The following NUMA1 variants were observed in gnomAD, a reference collection of about 807,000 sequenced individuals.
The protein encoded by NUMA1 is SP-H antigen.
Under a neutral mutation model 237.1 loss-of-function variants are expected in NUMA1, and 62 were observed. That is an observed-to-expected ratio of 0.26 (90% CI 0.21 to 0.32). The LOEUF is 0.32. Among genes scored for constraint, NUMA1 ranks in the 10% least tolerant of loss-of-function variants. The pLI is 1.00. For missense variants in NUMA1, 2,533 were observed against 2,666.5 expected, an observed-to-expected ratio of 0.95 and a Z score of 1.10; for synonymous variants, 1,028 against 1,066.1, an observed-to-expected ratio of 0.96 and a Z score of 0.70.
intron 1 of NUMA1, among the ~76,000 whole-genome samples, chr11:72,073,325 G>C (rs11606798): frequency 0.018 from 2,651 of 146,544 alleles, 43 homozygotes; most frequent in Non-Finnish European, 0.027. Context: ...AAAAAAAAAA[G>C]TTGCCCACAG....
intron 2 of NUMA1, among the ~76,000 whole-genome samples, chr11:72,063,834 T>C (rs1943075088): frequency 6.6e-6 from 1 of 150,888 alleles, no homozygotes; most frequent in Admixed American, 6.6e-5. Flanking sequence ...GGAGGATCAC[T>C]TGAGTCTGAG....
intron 13 of NUMA1, 37 bp from the exon 14 acceptor site, chr11:72,016,567 G>GA: frequency 6.2e-7 from 1 of 1,604,372 alleles, no homozygotes; most frequent in Non-Finnish European, 8.5e-7. Flanking sequence ...CAGAGAGGGG[G>GA]AACAGGCACC....
Position 72,013,483 on chromosome 11 carries a change from C to T in NUMA1, c.4020G>A (p.Glu1340=), listed in dbSNP as rs1189125060. The T allele has an allele frequency of 6.2e-7, 1 of 1,613,488 alleles. No individual in the cohort carries two copies. The highest frequency in any genetic ancestry group is 8.5e-7 in the Non-Finnish European group (1 of 1,180,032). Residue 1340 remains glutamate, a synonymous_variant, in exon 15 of 27, where the codon GAG becomes GAA. Transcript: ENST00000393695. The surrounding 1 kb of genome is among the most constrained non-coding windows in gnomAD (Gnocchi z 6.8). ...CGAGCTGCAGGGTGGAGAGGGCCTG[C>T]TCTTTCTGGAAGAACTTCTCCTGCC... is the stretch of plus-strand genomic sequence containing the variant. ...KAWQEKFFQK[E]QALSTLQLEH... is the part of the protein sequence containing the mutation.
intron 4 of NUMA1, among the ~76,000 whole-genome samples, chr11:72,025,195 T>G (rs1313531687): frequency 6.6e-6 from 1 of 152,210 alleles, no homozygotes; most frequent in East Asian, 1.9e-4. Context: ...CAGCTAGGAC[T>G]AGTATTCTTG....
rs1039085654 is a variant in NUMA1, at chr11:72,003,184, TC to T, written c.*342del. The T allele has an allele frequency of 5.2e-6, 2 of 386,158 alleles. No individual in the cohort carries two copies. Among genetic ancestry groups the T allele is most frequent in the Admixed American group, 4.0e-5 (1 of 24,984 alleles). The allele number at this position is 386,158 out of a possible 1,614,324, so 23.9% of individuals were successfully genotyped here. On this transcript the variant is annotated 3_prime_UTR_variant, in exon 27 of 27. Transcript: ENST00000393695. ...TACTCCTCTTATGGTCCCTTCTAGA[TC>T]CAGAGGCTAAGAGGAAGACTGGCCA...
chr11:72,071,621 T>C (rs899206105), intron 1 of NUMA1, among the ~76,000 whole-genome samples: 18 of 152,242 alleles, frequency 1.2e-4, no homozygotes, highest in South Asian at 4.1e-4. Flanking sequence ...ACTGGATGTA[T>C]TGAATCAATG....
chr11:72,043,298 C>T (rs1941802868), intron 2 of NUMA1, among the ~76,000 whole-genome samples: 2 of 149,776 alleles, frequency 1.3e-5, no homozygotes, highest in African/African-American at 2.5e-5. Context: ...CCTGTTTCTA[C>T]CAAAAAATAC....
chr11:72,044,749 C>CCT (rs561553106), intron 2 of NUMA1, among the ~76,000 whole-genome samples: 331 of 150,014 alleles, frequency 2.2e-3, no homozygotes, highest in Middle Eastern at 6.8e-3. Context: ...CTCAATGCAA[C>CCT]CTCTGTCTCC....
At position 72,013,799 on chromosome 11, in the gene NUMA1, G is replaced by A; in HGVS notation, c.3704C>T (p.Ser1235Phe). The change falls in exon 15 of 27, where the codon TCC becomes TTC. Residue 1235 changes from serine to phenylalanine, a missense_variant. This residue lies in a region of NUMA1 where 324 missense variants were observed against 407.6 expected (regional missense o/e 0.79). Coordinates refer to ENST00000393695, the MANE Select transcript of NUMA1 (RefSeq NM_006185.4). This position sits in a 1 kb window ranked among gnomAD's most constrained non-coding sequence, Gnocchi z 6.8. ...SLISSLEEEV[S>F]ILNRQVLEKE... The stretch of plus-strand genomic sequence containing the variant: ...CTCCAGGACCTGGCGATTCAGGATG[G>A]ACACCTCCTCCTCCAAGCTGCTGAT... 6.2e-7 allele frequency: 1 copy of A among 1,610,386 alleles called. No homozygotes were observed. Among genetic ancestry groups the A allele is most frequent in the Non-Finnish European group, 8.5e-7 (1 of 1,179,998 alleles).
At chr11:72,064,936 C>T (rs1349343020) in intron 2 of NUMA1, among the ~76,000 whole-genome samples, 1 of 152,154 alleles carries the variant, frequency 6.6e-6, no homozygotes, top group Non-Finnish European at 1.5e-5. Context: ...ATATCATATA[C>T]ATATTTATCC....
intron 8 of NUMA1, among the ~76,000 whole-genome samples, 188 bp from the exon 9 acceptor site, chr11:72,019,805 C>G (rs1005593186): frequency 2.0e-5 from 3 of 152,184 alleles, no homozygotes; most frequent in African/African-American, 7.2e-5. Context: ...AGTTCCGTGT[C>G]TCTAACCAAA....
At chr11:72,029,400 G>T (rs186053582) in intron 3 of NUMA1, 110 bp from the exon 4 acceptor site, 499 of 549,662 alleles carry the variant, frequency 9.1e-4, no homozygotes, top group Non-Finnish European at 1.4e-3. Flanking sequence ...AGGAATACAA[G>T]AACTGATGAT....
intron 4 of NUMA1, 137 bp downstream of exon 4, chr11:72,029,068 C>T: frequency 1.7e-6 from 1 of 593,190 alleles, no homozygotes; most frequent in Non-Finnish European, 3.0e-6. Flanking sequence ...CTTTAGGCCC[C>T]ACCCTGGCTT....
chr11:72,049,560 A>AAATAT (rs1555034474), intron 2 of NUMA1: 2 of 41,004 alleles, frequency 4.9e-5, no homozygotes, highest in African/African-American at 8.5e-5. Flanking sequence ...AAATAATAAT[A>AAATAT]ATATATATAT....
chr11:72,071,419 A>C (rs1418755698), intron 1 of NUMA1, among the ~76,000 whole-genome samples: 2 of 152,224 alleles, frequency 1.3e-5, no homozygotes, highest in African/African-American at 4.8e-5. Flanking sequence ...AGAATCAGAC[A>C]AATGCTATGA....
At chr11:72,018,566 G>T in intron 10 of NUMA1, 53 bp from the exon 11 acceptor site, 1 of 1,463,956 alleles carries the variant, frequency 6.8e-7, no homozygotes, top group Non-Finnish European at 9.6e-7. Flanking sequence ...GTGCATGAGC[G>T]GAACTATGTG....
intron 2 of NUMA1, among the ~76,000 whole-genome samples, chr11:72,058,808 C>T (rs1001632322): frequency 1.3e-4 from 20 of 152,098 alleles, no homozygotes; most frequent in Admixed American, 7.9e-4. Context: ...CACATGCTAT[C>T]CCCCTCCTCC....
At chr11:72,073,912 C>G (rs1943581673) in intron 1 of NUMA1, among the ~76,000 whole-genome samples, 2 of 152,152 alleles carry the variant, frequency 1.3e-5, no homozygotes, top group African/African-American at 4.8e-5. Context: ...GCTTCCGAGG[C>G]TGGCTGCGGT....
rs1956432835 is a variant in NUMA1, at chr11:72,015,093, C to T, written c.2410G>A (p.Glu804Lys). Residue 804 changes from glutamate (E) to lysine (K), a missense_variant, in exon 15 of 27, where the codon GAG becomes AAG. Around this residue, in one of 3 missense-constraint regions of NUMA1, gnomAD observed 1,414 missense variants for 1,508.1 expected, o/e 0.94. Coordinates refer to ENST00000393695, the MANE Select transcript of NUMA1 (RefSeq NM_006185.4). The surrounding 1 kb of genome is among the most constrained non-coding windows in gnomAD (Gnocchi z 4.0). ...AAQHTAESEC[E>K]QLVKEVAAWR... ...GCAGCTACTTCTTTGACGAGCTGCT[C>T]ACACTCACTCTCAGCTGTGTGCTGG... 6.2e-7 allele frequency: 1 copy of T among 1,613,870 alleles called. No individual in the cohort carries two copies. Among genetic ancestry groups the T allele is most frequent in the African/African-American group, 1.3e-5 (1 of 75,062 alleles).
Sources: gnomAD v4.1 joint callset for allele counts (sites outside exome capture counted in the v4.1 genomes callset) on GRCh38, gnomAD v4.1.1 for gene constraint, gnomAD v4.1.1 regional missense constraint, Gnocchi (gnomAD v3.1) non-coding constraint, MANE v1.5 for transcripts, NCBI Gene and HGNC (gene_info 2026-07-23, HGNC 2026-07-21) for gene names.